The following RASA1 variants were observed in gnomAD, a reference collection of about 807,000 sequenced individuals.
RASA1 encodes ras GTPase-activating protein 1.
Under a neutral mutation model 132.2 loss-of-function variants are expected in RASA1, and 25 were observed. That is an observed-to-expected ratio of 0.19 (90% CI 0.14 to 0.26). RASA1 has a LOEUF of 0.26. Ranked by LOEUF, RASA1 falls within the 10% of genes least tolerant of loss-of-function variation. The pLI is 1.00. For synonymous variants in RASA1, 477 were observed against 449.9 expected (o/e 1.06, Z -0.76); for missense variants, 964 against 1,299.2 (o/e 0.74, Z 3.97).
intron 11 of RASA1, among the ~76,000 whole-genome samples, chr5:87,364,110 C>A (rs1299953714): frequency 6.6e-6 from 1 of 151,946 alleles, no homozygotes; most frequent in African/African-American, 2.4e-5. Flanking sequence ...GTAATCCATC[C>A]CAGTCTTTTT....
At chr5:87,344,018 A>T (rs1043796090) in intron 6 of RASA1, among the ~76,000 whole-genome samples, 1 of 152,126 alleles carries the variant, frequency 6.6e-6, no homozygotes, top group African/African-American at 2.4e-5. Flanking sequence ...AATATTAGAA[A>T]ATTAACTCAG....
intron 1 of RASA1, among the ~76,000 whole-genome samples, chr5:87,289,521 C>T (rs1484692142): frequency 6.6e-6 from 1 of 152,052 alleles, no homozygotes; most frequent in Non-Finnish European, 1.5e-5. Flanking sequence ...ATTAGGGAAT[C>T]TTAGGATTAC....
In RASA1 at chr5:87,364,527, C is replaced by T. The variant is rs559993980; in HGVS notation, c.1610+1023C>T. Reference sequence around the variant, plus strand: ...GATACCCTTTTTTTTCCCCTGAATACTCACTGATACCTCATAAAGAGTTGT... The same window carrying T: ...GATACCCTTTTTTTTCCCCTGAATATTCACTGATACCTCATAAAGAGTTGT... On this transcript the variant is annotated intron_variant, in intron 11 of 24. Coordinates refer to ENST00000274376, the MANE Select transcript of RASA1 (RefSeq NM_002890.3). Among the ~76,000 whole-genome samples the T allele has an allele frequency of 7.9e-5, 12 of 152,134 alleles. No individual in the cohort carries two copies. The East Asian group carries it at 2.3e-3, about 29-fold the overall frequency.
chr5:87,385,480 A>G (rs1193082938), intron 22 of RASA1, 91 bp downstream of exon 22: 1 of 998,152 alleles, frequency 1.0e-6, no homozygotes, highest in African/African-American at 1.6e-5. Context: ...AATTTTTAGC[A>G]GTGAAATTTT....
chr5:87,319,799 C>T (rs919471955), intron 1 of RASA1, among the ~76,000 whole-genome samples: 7 of 152,168 alleles, frequency 4.6e-5, no homozygotes, highest in Admixed American at 2.0e-4. Context: ...AAATTTCTAC[C>T]ACTGGCTTGA....
chr5:87,300,456 G>A (rs1417719588), intron 1 of RASA1, among the ~76,000 whole-genome samples: 1 of 152,034 alleles, frequency 6.6e-6, no homozygotes, highest in Admixed American at 6.5e-5. Context: ...CTTGAGGCCA[G>A]GAATTTGAGA....
chr5:87,286,028 A>G (rs1754545076), intron 1 of RASA1, among the ~76,000 whole-genome samples: 1 of 151,352 alleles, frequency 6.6e-6, no homozygotes, highest in South Asian at 2.1e-4. Flanking sequence ...TTTGTGATGG[A>G]GTTTCGCTCT....
At chr5:87,316,039 A>G (rs767834384) in intron 1 of RASA1, among the ~76,000 whole-genome samples, 4 of 152,234 alleles carry the variant, frequency 2.6e-5, no homozygotes, top group Non-Finnish European at 5.9e-5. Context: ...CTGTATACCA[A>G]ATAATACATT....
intron 1 of RASA1, among the ~76,000 whole-genome samples, chr5:87,277,600 G>GA (rs759877490): frequency 2.8e-4 from 42 of 152,224 alleles, no homozygotes; most frequent in Non-Finnish European, 3.8e-4. Flanking sequence ...GCAGAACTGT[G>GA]AAAAAATAAT....
At position 87,376,904 on chromosome 5, in the gene RASA1, T is replaced by G. The variant is rs756153877; in HGVS notation, c.2208T>G (p.His736Gln). The G allele has an allele frequency of 1.1e-5, 18 of 1,609,024 alleles. No individual in the cohort carries two copies. In the East Asian group the frequency reaches 3.3e-4, roughly 30 times the overall value. ...AGCTTATACTGCAAAAGGAACTTCA[T>G]GTAGTCTATGCTTTATCACATGTAT... ...FKELILQKEL[H>Q]VVYALSHVCG... Residue 736 changes from histidine to glutamine, a missense_variant, in exon 17 of 25, where the codon CAT becomes CAG. Physicochemically the swap from His to Gln is conservative, Grantham distance 24 (BLOSUM62 0). This residue lies in a region of RASA1 where 346 missense variants were observed against 520.1 expected (regional missense o/e 0.67). Transcript: ENST00000274376.
rs2112456838 is a variant in RASA1 at position 87,362,607 on chromosome 5, C to A, written c.1389C>A (p.Ile463=). The change falls in exon 10 of 25, where the codon ATC becomes ATA. Residue 463 remains isoleucine (I), a synonymous_variant. Transcript: ENST00000274376. ...ATGGCAAGGAAATCTATAATACCAT[C>A]CGTCGTAAAACAAAGGATGCCTTTT... is the stretch of plus-strand genomic sequence containing the variant. The part of the protein sequence containing the change: ...TVDGKEIYNT[I]RRKTKDAFYK... The A allele has an allele frequency of 6.3e-7, 1 of 1,596,646 alleles. No homozygotes were observed. The highest frequency in any genetic ancestry group is 1.1e-5 in the South Asian group (1 of 90,718).
chr5:87,377,324 C>T (rs537374462), intron 17 of RASA1: 13 of 438,840 alleles, frequency 3.0e-5, no homozygotes, highest in African/African-American at 8.0e-5. Context: ...GCATATTTAT[C>T]TGTATTCTCT....
chr5:87,353,283 T>G (rs1362720260), intron 9 of RASA1, 48 bp downstream of exon 9: 4 of 1,425,928 alleles, frequency 2.8e-6, no homozygotes, highest in Non-Finnish European at 4.0e-6. Context: ...TATTTTAAAA[T>G]GCATTTTGGT....
chr5:87,351,568 G>A (rs550543643), intron 8 of RASA1, among the ~76,000 whole-genome samples: 2 of 151,690 alleles, frequency 1.3e-5, no homozygotes, highest in South Asian at 2.1e-4. Flanking sequence ...AGAAACTCAC[G>A]TTTATTTCAA....
chr5:87,297,249 C>T (rs1258610771), intron 1 of RASA1, among the ~76,000 whole-genome samples: 2 of 152,202 alleles, frequency 1.3e-5, no homozygotes, highest in East Asian at 1.9e-4. Flanking sequence ...CTCCAGAATT[C>T]CTGACATGTC....
intron 1 of RASA1, chr5:87,318,906 T>TA (rs1561277382): frequency 1.3e-5 from 2 of 152,190 alleles, no homozygotes; most frequent in Admixed American, 6.5e-5. Flanking sequence ...GCCTGTAAAA[T>TA]AAAAAACAAG....
At position 87,273,927 on chromosome 5, in the gene RASA1, ACCTCAGGT is replaced by A. The variant is rs1753958468; in HGVS notation, c.539+4938_539+4945del. ...TGGCCAGGCTGGTCTCGAACTCCTA[ACCTCAGGT>A]GATCCGCCTGCCTTGGCCTCCCAAA... On this transcript the variant is annotated intron_variant, in intron 1 of 24. Coordinates refer to ENST00000274376, the MANE Select transcript of RASA1 (RefSeq NM_002890.3). 2.6e-5 allele frequency among the ~76,000 whole-genome samples: 4 copies of A among 152,106 alleles called. No homozygotes were observed. The South Asian group carries it at 8.3e-4, about 32-fold the overall frequency.
chr5:87,302,606 TAG>T (rs1755417271), intron 1 of RASA1, among the ~76,000 whole-genome samples: 1 of 151,362 alleles, frequency 6.6e-6, no homozygotes, highest in Non-Finnish European at 1.5e-5. Context: ...CTATACTGTA[TAG>T]TATAGTATAC....
At chr5:87,296,136 T>C (rs541339150) in intron 1 of RASA1, among the ~76,000 whole-genome samples, 2 of 152,098 alleles carry the variant, frequency 1.3e-5, no homozygotes, top group East Asian at 3.9e-4. Flanking sequence ...TTCTTTTTTT[T>C]CCTAACTTAA....
Sources: allele counts gnomAD v4.1 joint callset (sites outside exome capture counted in the v4.1 genomes callset), GRCh38; gene constraint gnomAD v4.1.1; regional missense constraint gnomAD v4.1.1; transcripts MANE v1.5; gene names NCBI Gene and HGNC (gene_info 2026-07-23, HGNC 2026-07-21).